PTPDC1: variants seen among roughly 807,000 people sequenced by gnomAD.
The protein encoded by PTPDC1 is protein tyrosine phosphatase domain containing 1.
In PTPDC1, 53 loss-of-function variants were observed where a neutral mutation model predicts 75.3. That is an observed-to-expected ratio of 0.70 (90% confidence interval 0.56 to 0.88). PTPDC1 has a LOEUF of 0.88. Ranked by LOEUF, PTPDC1 falls within the 40% of genes least tolerant of loss-of-function variation. The probability of loss-of-function intolerance (pLI) is 0.00; values close to 1 mark genes in which losing one functional copy is unlikely to be tolerated. For missense variants in PTPDC1, 925 were observed against 998.6 expected (o/e 0.93, Z 0.99); for synonymous variants, 349 against 366.2 (o/e 0.95, Z 0.54).
chr9:94,092,609 G>T (rs1426613484), intron 4 of PTPDC1, among the ~76,000 whole-genome samples: 1 of 151,936 alleles, frequency 6.6e-6, no homozygotes, highest in Non-Finnish European at 1.5e-5. Context: ...TCTGTTTGGT[G>T]CAGAGCTGAG....
At chr9:94,051,517 G>A (rs1825791976) in intron 1 of PTPDC1, among the ~76,000 whole-genome samples, 1 of 152,218 alleles carries the variant, frequency 6.6e-6, no homozygotes, top group African/African-American at 2.4e-5. Context: ...CTTTCTGGGA[G>A]AGATTATAGA....
rs757695338 is a variant in PTPDC1 at position 94,098,461 on chromosome 9, C to T, written c.1895C>T (p.Ser632Phe). Residue 632 changes from serine to phenylalanine, a missense_variant, in exon 6 of 9, where the codon TCT becomes TTT. Coordinates refer to ENST00000620992, the MANE Select transcript of PTPDC1 (RefSeq NM_001253829.2). Reference protein sequence around the residue: ...SKDLSEAASHSALQSELSAEA... With the variant: ...SKDLSEAASHFALQSELSAEA... Reference sequence around the variant, plus strand: ...GATCTGTCTGAAGCAGCTTCACACTCTGCATTACAGTCTGAATTGAGTGCT... The same window carrying T: ...GATCTGTCTGAAGCAGCTTCACACTTTGCATTACAGTCTGAATTGAGTGCT... 2 of 1,614,184 alleles carry T rather than the reference C, an allele frequency of 1.2e-6. No individual in the cohort carries two copies. Among genetic ancestry groups the T allele is most frequent in the Non-Finnish European group, 1.7e-6 (2 of 1,180,024 alleles).
chr9:94,104,149 A>G (rs554554068), intron 7 of PTPDC1, 126 bp from the exon 8 acceptor site: 50 of 555,632 alleles, frequency 9.0e-5, no homozygotes, highest in Non-Finnish European at 1.3e-4. Context: ...ATTTTGTTAG[A>G]TATTTTGGCA....
chr9:94,035,265 T>G (rs1051082501), intron 1 of PTPDC1, among the ~76,000 whole-genome samples: 1 of 152,206 alleles, frequency 6.6e-6, no homozygotes, highest in African/African-American at 2.4e-5. Context: ...ATCTCAATTT[T>G]TAAAAACCCT....
At chr9:94,067,186 G>A (rs1564018495) in intron 2 of PTPDC1, among the ~76,000 whole-genome samples, 1 of 151,938 alleles carries the variant, frequency 6.6e-6, no homozygotes, top group Non-Finnish European at 1.5e-5. Context: ...TCAGGAGTTC[G>A]AGACCAGCCT....
At chr9:94,053,404 T>A (rs2118462403) in intron 1 of PTPDC1, among the ~76,000 whole-genome samples, 1 of 152,280 alleles carries the variant, frequency 6.6e-6, no homozygotes, top group East Asian at 1.9e-4. Context: ...AGGTTATAAA[T>A]TCAGAGGTGA....
At chr9:94,043,253 T>A (rs962356773) in intron 1 of PTPDC1, among the ~76,000 whole-genome samples, 19 of 152,304 alleles carry the variant, frequency 1.2e-4, no homozygotes, top group Admixed American at 4.6e-4. Context: ...CTAGTTTTTT[T>A]AAAAAATCCA....
At chr9:94,084,166 G>A (rs888198987), upstream of PTPDC1, among the ~76,000 whole-genome samples, 8 of 152,310 alleles carry the variant, frequency 5.3e-5, no homozygotes, top group East Asian at 1.5e-3. Context: ...GTAAAAGGCA[G>A]TTTTTGCATC....
In PTPDC1 at chr9:94,032,515, T is replaced by C. The variant is rs760482554; in HGVS notation, c.-7+1388T>C. Among the ~76,000 whole-genome samples the C allele has an allele frequency of 2.2e-4, 34 of 152,200 alleles. 1 individual carries two copies. The highest frequency in any genetic ancestry group is 4.3e-4 in the Non-Finnish European group (29 of 68,028). The stretch of plus-strand genomic sequence containing the variant: ...CAAGCTTTGGAAGGAAATCTTTTGT[T>C]GGAGGAAACCAAGGTTTAGGAGACA... On this transcript the variant is annotated intron_variant, in intron 1 of 9. Coordinates refer to the PTPDC1 transcript ENST00000375360.
chr9:94,095,249 T>TA lies in PTPDC1; in HGVS notation c.617-68_617-67insA. On this transcript the variant is annotated intron_variant, in intron 4 of 8. Coordinates refer to ENST00000620992, the MANE Select transcript of PTPDC1 (RefSeq NM_001253829.2). ...AGTCTCAGTGTAGATCTGTGTACTT[T>TA]TCATTAGTGTTTGTACTTTCATTAA... is the stretch of plus-strand genomic sequence containing the variant. The TA allele has an allele frequency of 4.8e-6, 5 of 1,046,358 alleles. No individual in the cohort carries two copies. The South Asian group carries it at 7.4e-5, about 16-fold the overall frequency. 64.8% of individuals were successfully genotyped at this position (1,046,358 alleles called of 1,614,324 possible). A position where few individuals can be genotyped will look rare whatever the true frequency, so the allele number is the denominator to read the frequency against.
chr9:94,083,185 T>C (rs116960542), upstream of PTPDC1, among the ~76,000 whole-genome samples: 4,021 of 152,330 alleles, frequency 0.026, 78 homozygotes, highest in Middle Eastern at 0.051. Flanking sequence ...GTTCTTGTCA[T>C]GCAGACCTCT....
At position 94,089,132 on chromosome 9, in the gene PTPDC1, GGTTA is replaced by G. The variant is rs377268533; in HGVS notation, c.616+874_616+877del. ...TTAGGGTACATGTGCACATTGTGCAGGTTAGTTACATATGTATACATGTGCCATG... is the reference window on the plus strand; with the variant it reads ...TTAGGGTACATGTGCACATTGTGCAGGTTACATATGTATACATGTGCCATG... On this transcript the variant is annotated intron_variant, in intron 4 of 8. Transcript: ENST00000620992. 9.8e-3 allele frequency among the ~76,000 whole-genome samples: 1,418 copies of G among 144,874 alleles called. 12 individuals are homozygous for G. The highest frequency in any genetic ancestry group is 0.049 in the Middle Eastern group (14 of 288).
At chr9:94,053,355 GA>G (rs34224997) in intron 1 of PTPDC1, among the ~76,000 whole-genome samples, 4 of 148,142 alleles carry the variant, frequency 2.7e-5, no homozygotes, top group Non-Finnish European at 6.0e-5. Context: ...GGGTGATTTG[GA>G]AAAAAAAAGG....
At position 94,109,106 on chromosome 9, in the gene PTPDC1, T is replaced by C. The variant is rs193029093; in HGVS notation, c.*1162T>C. The C allele has an allele frequency of 3.3e-5, 5 of 152,360 alleles. No homozygotes were observed. The highest frequency in any genetic ancestry group is 4.4e-5 in the Non-Finnish European group (3 of 68,028). 9.4% of individuals were successfully genotyped at this position (152,360 alleles called of 1,614,324 possible). On this transcript the variant is annotated 3_prime_UTR_variant, in exon 9 of 9. Transcript: ENST00000620992. ...GTTGCATTAGCCCTAACTGGCTTCA[T>C]GTAAGAAGGGTGACTGCCTAAACTA...
At chr9:94,060,270 C>T (rs929428986) in intron 1 of PTPDC1, among the ~76,000 whole-genome samples, 1 of 152,190 alleles carries the variant, frequency 6.6e-6, no homozygotes, top group African/African-American at 2.4e-5. Flanking sequence ...AAAAAGCTTT[C>T]TGGCTACCAG....
At chr9:94,045,057 T>C (rs576991623) in intron 1 of PTPDC1, among the ~76,000 whole-genome samples, 5 of 141,444 alleles carry the variant, frequency 3.5e-5, no homozygotes, top group South Asian at 4.7e-4. Context: ...TGTGTTCTCA[T>C]TGTTCAATTC....
At chr9:94,070,843 G>A (rs1826491338) in intron 2 of PTPDC1, among the ~76,000 whole-genome samples, 1 of 152,184 alleles carries the variant, frequency 6.6e-6, no homozygotes, top group Non-Finnish European at 1.5e-5. Context: ...TGTACCAATA[G>A]TTGAGTCCTT....
chr9:94,097,405 A>G lies in PTPDC1; in HGVS notation c.839A>G (p.Asn280Ser). The change falls in exon 6 of 9, where the codon AAT becomes AGT. Residue 280 changes from asparagine to serine, a missense_variant. Asn to Ser is a conservative substitution (Grantham distance 46). Coordinates refer to ENST00000620992, the MANE Select transcript of PTPDC1 (RefSeq NM_001253829.2). ...ATATTTGTGCGGGCAAAGCGACCCAATTCCATACAAACCAGAGGACAGCTC... is the reference window on the plus strand; with the variant it reads ...ATATTTGTGCGGGCAAAGCGACCCAGTTCCATACAAACCAGAGGACAGCTC... Reference protein sequence around the residue: ...AIIFVRAKRPNSIQTRGQLLC... With the variant: ...AIIFVRAKRPSSIQTRGQLLC... 3 of 1,614,192 alleles carry G rather than the reference A, an allele frequency of 1.9e-6. No individual in the cohort carries two copies. Among genetic ancestry groups the G allele is most frequent in the Non-Finnish European group, 2.5e-6 (3 of 1,180,022 alleles).
chr9:94,050,068 G>A (rs1369634172), intron 1 of PTPDC1, among the ~76,000 whole-genome samples: 1 of 152,112 alleles, frequency 6.6e-6, no homozygotes, highest in Non-Finnish European at 1.5e-5. Context: ...GCTCCATCAG[G>A]TCCTTTAAGG....
Sources: gnomAD v4.1 joint callset for allele counts (sites outside exome capture counted in the v4.1 genomes callset) on GRCh38, gnomAD v4.1.1 for gene constraint, MANE v1.5 for transcripts, NCBI Gene and HGNC (gene_info 2026-07-23, HGNC 2026-07-21) for gene names.